DENND1B: variants seen among roughly 807,000 people sequenced by gnomAD.
DENND1B encodes DENN domain-containing protein 1B.
In DENND1B, 59 loss-of-function variants were observed where a neutral mutation model predicts 90.1. The observed-to-expected ratio is 0.65, with a 90% CI of 0.53 to 0.81. DENND1B has a LOEUF of 0.81. Among genes scored for constraint, DENND1B ranks in the 40% least tolerant of loss-of-function variants. DENND1B has a pLI of 0.00. For missense variants in DENND1B, 862 were observed against 912.6 expected, an observed-to-expected ratio of 0.94 and a Z score of 0.71; for synonymous variants, 337 against 324.6, an observed-to-expected ratio of 1.04 and a Z score of -0.41.
chr1:197,625,633 CATA>C (rs1678621040), intron 10 of DENND1B, among the ~76,000 whole-genome samples: 1 of 151,972 alleles, frequency 6.6e-6, no homozygotes, highest in Non-Finnish European at 1.5e-5. Flanking sequence ...CAGCTAACAT[CATA>C]ATGACAGGAT....
At chr1:197,636,170 T>C (rs1181327197) in intron 10 of DENND1B, among the ~76,000 whole-genome samples, 2 of 151,942 alleles carry the variant, frequency 1.3e-5, no homozygotes, top group Non-Finnish European at 2.9e-5. Flanking sequence ...TAATTACATA[T>C]AGGATGAATC....
chr1:197,739,472 A>C (rs1164632081), intron 2 of DENND1B, among the ~76,000 whole-genome samples: 1 of 152,238 alleles, frequency 6.6e-6, no homozygotes, highest in African/African-American at 2.4e-5. Flanking sequence ...AATATAACAG[A>C]AACATCACAG....
chr1:197,514,992 A>G (rs1668297076), intron 20 of DENND1B, among the ~76,000 whole-genome samples: 1 of 151,660 alleles, frequency 6.6e-6, no homozygotes, highest in South Asian at 2.1e-4. Context: ...TGAATGAACA[A>G]CAGTAAACTT....
chr1:197,648,071 C>T (rs558577004), intron 7 of DENND1B, among the ~76,000 whole-genome samples: 1 of 151,836 alleles, frequency 6.6e-6, no homozygotes, highest in African/African-American at 2.4e-5. Flanking sequence ...TACATAGGAA[C>T]AGAACACAGC....
At chr1:197,769,828 C>T (rs1656180350) in intron 2 of DENND1B, among the ~76,000 whole-genome samples, 1 of 152,000 alleles carries the variant, frequency 6.6e-6, no homozygotes, top group Non-Finnish European at 1.5e-5. Context: ...CAAATAGGTA[C>T]TAACAGTTAA....
chr1:197,779,366 A>G (rs1286448867), upstream of DENND1B, among the ~76,000 whole-genome samples: 3 of 152,068 alleles, frequency 2.0e-5, no homozygotes, highest in African/African-American at 7.2e-5. Flanking sequence ...AGTTTTCTAT[A>G]GTTTCACTGT....
chr1:197,595,128 AATG>A lies in DENND1B; in HGVS notation c.1047+77_1047+79del, dbSNP rs1174039791. ...ATATTTTTTGAAGGTGTAATATTAA[AATG>A]ATGTCTCTTTTTTTCTGTCTCATTC... On this transcript the variant is annotated intron_variant, in intron 14 of 22. Transcript: ENST00000620048. 3 of 1,486,924 alleles carry A rather than the reference AATG, an allele frequency of 2.0e-6. No homozygotes were observed. The African/African-American group carries it at 4.3e-5, about 21-fold the overall frequency. The allele number at this position is 1,486,924 out of a possible 1,614,324, so 92.1% of individuals were successfully genotyped here. A position where few individuals can be genotyped will look rare whatever the true frequency, so the allele number is the denominator to read the frequency against.
chr1:197,729,230 TG>T (rs765495022), intron 2 of DENND1B, among the ~76,000 whole-genome samples: 11 of 152,186 alleles, frequency 7.2e-5, no homozygotes, highest in Non-Finnish European at 1.5e-4. Context: ...GCCAGAATCA[TG>T]TTTCAAATTT....
At chr1:197,714,877 C>T (rs925365583) in intron 3 of DENND1B, among the ~76,000 whole-genome samples, 154 bp downstream of exon 3, 3 of 152,058 alleles carry the variant, frequency 2.0e-5, no homozygotes, top group African/African-American at 4.8e-5. Context: ...CCATATATTC[C>T]GCACACATGC....
intron 10 of DENND1B, among the ~76,000 whole-genome samples, chr1:197,624,195 C>G (rs1678437364): frequency 6.6e-6 from 1 of 151,658 alleles, no homozygotes; most frequent in Non-Finnish European, 1.5e-5. Context: ...ATATTCAAAA[C>G]AGTGTAGCAT....
At chr1:197,612,436 A>C (rs1419071291) in intron 11 of DENND1B, among the ~76,000 whole-genome samples, 4 of 150,558 alleles carry the variant, frequency 2.7e-5, no homozygotes, top group Non-Finnish European at 6.0e-5. Context: ...TCATTGATAC[A>C]TACCTCCTAT....
intron 3 of DENND1B, among the ~76,000 whole-genome samples, chr1:197,677,491 C>T (rs911902940): frequency 3.3e-5 from 5 of 152,146 alleles, no homozygotes; most frequent in Admixed American, 2.0e-4. Flanking sequence ...TTACCATGAC[C>T]CCTCCTTTTC....
intron 20 of DENND1B, among the ~76,000 whole-genome samples, chr1:197,537,408 T>C (rs1669990347): frequency 6.6e-6 from 1 of 152,144 alleles, no homozygotes; most frequent in African/African-American, 2.4e-5. Context: ...CCTGAAGACT[T>C]AGTGTAAGTA....
chr1:197,560,413 G>A (rs975928972), intron 15 of DENND1B, among the ~76,000 whole-genome samples: 5 of 151,868 alleles, frequency 3.3e-5, no homozygotes, highest in African/African-American at 1.2e-4. Context: ...TGTAGTATGT[G>A]AGAAAGTGAT....
chr1:197,713,785 T>TTAG (rs1558432596), intron 3 of DENND1B, among the ~76,000 whole-genome samples: 1 of 14,160 alleles, frequency 7.1e-5, no homozygotes, highest in Non-Finnish European at 1.3e-4. Context: ...TTATATTATA[T>TTAG]TATAATATTA....
intron 3 of DENND1B, among the ~76,000 whole-genome samples, chr1:197,677,621 A>G (rs1174958311): frequency 6.6e-6 from 1 of 152,192 alleles, no homozygotes; most frequent in African/African-American, 2.4e-5. Flanking sequence ...AAGAGGTTTT[A>G]GAATCACTTG....
intron 15 of DENND1B, among the ~76,000 whole-genome samples, chr1:197,559,168 G>C (rs1386922109): frequency 6.6e-6 from 1 of 151,842 alleles, no homozygotes; most frequent in Non-Finnish European, 1.5e-5. Context: ...GCTATTATCA[G>C]TGTTCTAATT....
intron 2 of DENND1B, among the ~76,000 whole-genome samples, chr1:197,746,426 C>T (rs1240394601): frequency 2.0e-5 from 3 of 152,072 alleles, no homozygotes; most frequent in African/African-American, 7.2e-5. Flanking sequence ...AGATCACTGA[C>T]TACACTAAAC....
chr1:197,601,310 T>C (rs1177437796), intron 13 of DENND1B, among the ~76,000 whole-genome samples: 1 of 151,652 alleles, frequency 6.6e-6, no homozygotes, highest in Non-Finnish European at 1.5e-5. Context: ...TCCAGTTGAC[T>C]CAATCAAAGT....
Sources: gnomAD v4.1 joint callset for allele counts (sites outside exome capture counted in the v4.1 genomes callset) on GRCh38, gnomAD v4.1.1 for gene constraint, MANE v1.5 for transcripts, NCBI Gene and HGNC (gene_info 2026-07-23, HGNC 2026-07-21) for gene names.